Variants in B3GAT2 observed in about 807,000 individuals in gnomAD.
The protein encoded by B3GAT2 is beta-1,3-glucuronyltransferase 2, also known as galactosylgalactosylxylosylprotein 3-beta-glucuronosyltransferase 2.
A neutral mutation model predicts 27.8 loss-of-function variants in B3GAT2; 26 were observed. The ratio of observed to expected loss-of-function variants is 0.93; its 90% CI spans 0.68 to 1.30. The LOEUF (loss-of-function observed/expected upper bound fraction) is 1.30. Ranked by LOEUF, B3GAT2 falls within the 50% of genes most tolerant of loss-of-function variation. B3GAT2 has a pLI of 0.00. For synonymous variants in B3GAT2, 218 were observed against 195.1 expected (o/e 1.12, Z -0.98); for missense variants, 458 against 459.0 (o/e 1.00, Z 0.02).
intron 1 of B3GAT2, among the ~76,000 whole-genome samples, chr6:70,898,909 G>A (rs1446810076): frequency 6.6e-6 from 1 of 151,984 alleles, no homozygotes; most frequent in East Asian, 1.9e-4. Flanking sequence ...GTTGCAGTGA[G>A]ATGTGATTGC....
intron 2 of B3GAT2, among the ~76,000 whole-genome samples, chr6:70,889,505 A>C (rs534797363): frequency 9.2e-5 from 14 of 152,150 alleles, no homozygotes; most frequent in Non-Finnish European, 1.9e-4. Context: ...AAAGCTGGTG[A>C]TAGGCCGTAG....
At chr6:70,920,381 G>C (rs116436264) in intron 1 of B3GAT2, among the ~76,000 whole-genome samples, 3 of 152,184 alleles carry the variant, frequency 2.0e-5, no homozygotes, top group African/African-American at 7.2e-5. Context: ...GCACTTCCTC[G>C]GTGAGGGATG....
chr6:70,878,480 T>C (rs544909038), intron 2 of B3GAT2, among the ~76,000 whole-genome samples: 65 of 152,348 alleles, frequency 4.3e-4, no homozygotes, highest in African/African-American at 1.5e-3. Context: ...TCCTGCTCTT[T>C]TGTTGTCTGT....
In B3GAT2 at chr6:70,955,971, C is replaced by T. The variant is rs1040279371; in HGVS notation, c.459G>A (p.Leu153=). Residue 153 remains leucine, a synonymous_variant, in exon 1 of 4, where the codon CTG becomes CTA. Coordinates refer to ENST00000230053, the MANE Select transcript of B3GAT2 (RefSeq NM_080742.3). The part of the protein sequence containing the change: ...PTPRRYKRPG[L]PRATEQRNAG... ...CGTTGCGCTGCTCAGTGGCGCGCGGCAGCCCGGGCCGCTTGTAGCGCCGCG... is the reference window on the plus strand; with the variant it reads ...CGTTGCGCTGCTCAGTGGCGCGCGGTAGCCCGGGCCGCTTGTAGCGCCGCG... 2.7e-6 allele frequency: 4 copies of T among 1,471,522 alleles called. No individual in the cohort carries two copies. The highest frequency in any genetic ancestry group is 3.6e-6 in the Non-Finnish European group (4 of 1,119,354). The allele number at this position is 1,471,522 out of a possible 1,614,324, so 91.2% of individuals were successfully genotyped here.
chr6:70,884,929 C>T (rs1364173813), intron 2 of B3GAT2, among the ~76,000 whole-genome samples: 1 of 152,256 alleles, frequency 6.6e-6, no homozygotes, highest in East Asian at 1.9e-4. Context: ...CAAGGCTTAA[C>T]TTCTGAAGCC....
intron 2 of B3GAT2, among the ~76,000 whole-genome samples, chr6:70,882,350 A>T (rs974875230): frequency 6.6e-6 from 1 of 152,000 alleles, no homozygotes; most frequent in Non-Finnish European, 1.5e-5. Context: ...AAATACAAAA[A>T]ATTAGCTGGG....
chr6:70,918,420 A>G (rs895045880), intron 1 of B3GAT2, among the ~76,000 whole-genome samples: 6 of 152,148 alleles, frequency 3.9e-5, no homozygotes, highest in Admixed American at 3.9e-4. Context: ...GTTATGTGTG[A>G]ATTTGATCCT....
intron 1 of B3GAT2, among the ~76,000 whole-genome samples, chr6:70,910,818 C>T (rs1215082241): frequency 6.6e-6 from 1 of 152,158 alleles, no homozygotes; most frequent in Admixed American, 6.5e-5. Context: ...CCCTTTTCTC[C>T]ATAACCTCGT....
chr6:70,862,088 G>T, intron 2 of B3GAT2, 110 bp from the exon 3 acceptor site: 1 of 1,001,414 alleles, frequency 1.0e-6, no homozygotes, highest in Admixed American at 2.9e-5. Flanking sequence ...CCTACTGTGT[G>T]TCAGGTCTTG....
rs1293033671 is a variant in B3GAT2, at chr6:70,857,772, T to C, written c.*3891A>G. The C allele has an allele frequency of 1.2e-5, 8 of 684,092 alleles. No individual in the cohort carries two copies. The highest frequency in any genetic ancestry group is 1.8e-5 in the African/African-American group (1 of 55,318). The allele number at this position is 684,092 out of a possible 1,614,324, so 42.4% of individuals were successfully genotyped here. A position where few individuals can be genotyped will look rare whatever the true frequency, so the allele number is the denominator to read the frequency against. On this transcript the variant is annotated 3_prime_UTR_variant, in exon 4 of 4. Coordinates refer to ENST00000230053, the MANE Select transcript of B3GAT2 (RefSeq NM_080742.3). Reference sequence around the variant, plus strand: ...AAACAACCAGCTCTCAGGGTTTAGGTGTGGGTTGGTCTGAGTAGTAGGAGC... The same window carrying C: ...AAACAACCAGCTCTCAGGGTTTAGGCGTGGGTTGGTCTGAGTAGTAGGAGC...
chr6:70,950,006 A>G (rs2150052953), intron 1 of B3GAT2, among the ~76,000 whole-genome samples: 1 of 150,780 alleles, frequency 6.6e-6, no homozygotes, highest in East Asian at 2.0e-4. Context: ...TTGAACAATG[A>G]GAACACATGG....
chr6:70,922,433 C>A (rs1772885284), intron 1 of B3GAT2, among the ~76,000 whole-genome samples: 1 of 152,102 alleles, frequency 6.6e-6, no homozygotes, highest in South Asian at 2.1e-4. Flanking sequence ...CCAGTATCAA[C>A]CATATGCAGG....
At chr6:70,948,679 G>A (rs1765531102) in intron 1 of B3GAT2, among the ~76,000 whole-genome samples, 1 of 151,568 alleles carries the variant, frequency 6.6e-6, no homozygotes, top group Non-Finnish European at 1.5e-5. Flanking sequence ...TAGATTCAAT[G>A]CCATCCCCAT....
At chr6:70,917,604 T>A (rs1269720891) in intron 1 of B3GAT2, among the ~76,000 whole-genome samples, 1 of 152,224 alleles carries the variant, frequency 6.6e-6, no homozygotes, top group Non-Finnish European at 1.5e-5. Flanking sequence ...GTATCTTTGT[T>A]CTTATTGGCT....
rs75283014 is a variant in B3GAT2 at position 70,891,718 on chromosome 6, T to C, written c.736+2410A>G. Among the ~76,000 whole-genome samples, 56 of 151,978 alleles carry C rather than the reference T, an allele frequency of 3.7e-4. No individual in the cohort carries two copies. The East Asian group carries it at 0.011, about 29-fold the overall frequency. ...GCTCTCACTTGACTATCACAGAGCA[T>C]TTTCAAAGTAGAGCTCCTCAGAGCT... On this transcript the variant is annotated intron_variant, in intron 2 of 3. Coordinates refer to ENST00000230053, the MANE Select transcript of B3GAT2 (RefSeq NM_080742.3).
At chr6:70,905,885 CTGTGTGTGTGTGTGTGTGTATG>C (rs1772593130) in intron 1 of B3GAT2, among the ~76,000 whole-genome samples, 2 of 150,694 alleles carry the variant, frequency 1.3e-5, no homozygotes, top group South Asian at 4.2e-4. Context: ...TCTCCTGGCA[CTGTGTGTGTGTGTGTGTGTATG>C]TGTGTGTGTG....
rs371527631 is a variant in B3GAT2, at chr6:70,894,192, G to T, written c.672C>A (p.Asn224Lys). The change falls in exon 2 of 4, where the codon AAC becomes AAA. Residue 224 changes from asparagine (N) to lysine (K), a missense_variant. Transcript: ENST00000230053. ...GRRYERPLVE[N>K]GKVVGWYTGW... ...CGGTGTACCAGCCAACAACTTTGCC[G>T]TTTTCCACCAGCGGACGTTCGTAGC... 1.2e-6 allele frequency: 2 copies of T among 1,613,692 alleles called. No homozygotes were observed. Among genetic ancestry groups the T allele is most frequent in the Non-Finnish European group, 1.7e-6 (2 of 1,179,744 alleles).
intron 1 of B3GAT2, among the ~76,000 whole-genome samples, chr6:70,937,114 C>G (rs1304365158): frequency 6.6e-6 from 1 of 152,170 alleles, no homozygotes; most frequent in Admixed American, 6.5e-5. Flanking sequence ...TCAGAGAATA[C>G]TATAAACACC....
chr6:70,913,280 T>C (rs1301478731), intron 1 of B3GAT2, among the ~76,000 whole-genome samples: 1 of 152,202 alleles, frequency 6.6e-6, no homozygotes, highest in African/African-American at 2.4e-5. Flanking sequence ...TCTTTCTAAC[T>C]TTTTGATAGG....
Sources: allele counts gnomAD v4.1 joint callset (sites outside exome capture counted in the v4.1 genomes callset), GRCh38; gene constraint gnomAD v4.1.1; transcripts MANE v1.5; gene names NCBI Gene and HGNC (gene_info 2026-07-23, HGNC 2026-07-21).